The following UPK1A variants were observed in gnomAD, a reference collection of about 807,000 sequenced individuals.
UPK1A encodes uroplakin 1A.
A neutral mutation model predicts 32.3 loss-of-function variants in UPK1A; 31 were observed. The ratio of observed to expected loss-of-function variants is 0.96; its 90% confidence interval spans 0.72 to 1.30. The LOEUF is 1.30. UPK1A is among the 50% of genes most tolerant of loss of function. The probability of loss-of-function intolerance (pLI) is 0.00; values close to 1 mark genes in which losing one functional copy is unlikely to be tolerated. For synonymous variants in UPK1A, 135 were observed against 137.1 expected (o/e 0.98, Z 0.11); for missense variants, 340 against 357.4 (o/e 0.95, Z 0.39).
intron 6 of UPK1A, among the ~76,000 whole-genome samples, chr19:35,676,590 G>T (rs997587781): frequency 1.3e-5 from 2 of 151,846 alleles, no homozygotes; most frequent in African/African-American, 2.4e-5. Flanking sequence ...CTTTACTCAG[G>T]TTGTCCGAGA....
At chr19:35,673,952 G>A (rs187221734) in intron 5 of UPK1A, among the ~76,000 whole-genome samples, 34 of 152,258 alleles carry the variant, frequency 2.2e-4, no homozygotes, top group Middle Eastern at 3.4e-3. Context: ...CTGTTGCCCA[G>A]GCTGGAGTGA....
intron 3 of UPK1A, among the ~76,000 whole-genome samples, chr19:35,672,387 G>A (rs1036807578): frequency 3.9e-5 from 6 of 151,940 alleles, no homozygotes; most frequent in Non-Finnish European, 8.8e-5. Flanking sequence ...TCATCCTCCT[G>A]AGTAGCTGGG....
rs1453639573 is a variant in UPK1A at position 35,667,481 on chromosome 19, C to T, written c.84+585C>T. Among the ~76,000 whole-genome samples the T allele has an allele frequency of 2.0e-5, 3 of 150,630 alleles. No individual in the cohort carries two copies. The East Asian group carries it at 5.8e-4, about 29-fold the overall frequency. On this transcript the variant is annotated intron_variant, in intron 2 of 7. Transcript: ENST00000617999. ...CAGAATAGCTGGGATTACAGGCGCACACCACCACGCCCGGCTAATTTTTTT... is the reference window on the plus strand; with the variant it reads ...CAGAATAGCTGGGATTACAGGCGCATACCACCACGCCCGGCTAATTTTTTT...
intron 5 of UPK1A, 58 bp downstream of exon 5, chr19:35,673,603 A>G: frequency 2.7e-6 from 4 of 1,494,150 alleles, no homozygotes; most frequent in East Asian, 2.3e-5. Flanking sequence ...AGAGGCCGAT[A>G]GAGCTCCCGA....
chr19:35,671,549 C>T (rs549448216), intron 3 of UPK1A, among the ~76,000 whole-genome samples: 11 of 145,498 alleles, frequency 7.6e-5, no homozygotes, highest in Admixed American at 3.5e-4. Flanking sequence ...GCTCCGCCTC[C>T]CGGGTTCACG....
At chr19:35,677,859 T>C (rs1291743538) in exon 7 of UPK1A, 2 of 1,611,920 alleles carry the variant, frequency 1.2e-6, no homozygotes, top group Non-Finnish European at 1.7e-6. Context: ...ACACGTGGGG[T>C]ATCTCGTGGT....
chr19:35,666,769 C>G (rs538839986), intron 1 of UPK1A, 40 bp from the exon 2 acceptor site: 5 of 1,603,996 alleles, frequency 3.1e-6, no homozygotes, highest in Admixed American at 1.7e-5. Context: ...TCCGGCTGGC[C>G]CTTTACGCTC....
At chr19:35,675,568 A>AC (rs898730118) in intron 5 of UPK1A, among the ~76,000 whole-genome samples, 2 of 152,114 alleles carry the variant, frequency 1.3e-5, no homozygotes, top group African/African-American at 4.8e-5. Context: ...GGCGTGAGAC[A>AC]CCGTGCCCGG....
chr19:35,676,129 T>A, intron 6 of UPK1A, 110 bp downstream of exon 6: 1 of 1,193,676 alleles, frequency 8.4e-7, no homozygotes, highest in Non-Finnish European at 1.2e-6. Context: ...TCCGTCTAGC[T>A]TTTTCCCTCT....
Position 35,677,908 on chromosome 19 carries a change from G to C in UPK1A, c.732+13G>C, listed in dbSNP as rs762586798. ...CCTGATGTGGACGGTGAGAGGCGGG[G>C]AGCCCACAGGCTGGGTGGGCTGGGG... On this transcript the variant is annotated intron_variant, in intron 7 of 7. Coordinates refer to ENST00000617999, the Ensembl canonical transcript of UPK1A. 2.5e-6 allele frequency: 4 copies of C among 1,605,148 alleles called. No homozygotes were observed. Among genetic ancestry groups the C allele is most frequent in the Non-Finnish European group, 3.4e-6 (4 of 1,176,316 alleles).
chr19:35,675,949 G>A (rs202063955), exon 6 of UPK1A: 31 of 1,613,882 alleles, frequency 1.9e-5, no homozygotes, highest in East Asian at 4.5e-5. Flanking sequence ...TGCTGTCGCC[G>A]GACGGGAAAC....
intron 4 of UPK1A, 66 bp downstream of exon 4, chr19:35,673,372 G>A (rs1319266854): frequency 2.5e-6 from 4 of 1,610,646 alleles, no homozygotes; most frequent in African/African-American, 1.3e-5. Context: ...CCGGCGCGGC[G>A]GGGCGGAGGT....
In UPK1A at chr19:35,666,823, C is replaced by T. The variant is rs138472065; in HGVS notation, c.11C>T (p.Ala4Val). The change falls in exon 2 of 8, where the codon GCG becomes GTG. Residue 4 changes from alanine (A) to valine (V), a missense_variant. Coordinates refer to ENST00000617999, the Ensembl canonical transcript of UPK1A. ...ATGTGTCCCAGGATGATGGCGTCTG[C>T]GGCAGCAGCGGAGGCCGAGAAGGGA... is the stretch of plus-strand genomic sequence containing the variant. The T allele has an allele frequency of 1.2e-4, 193 of 1,614,092 alleles. 1 individual carries two copies. The African/African-American group carries it at 1.6e-3, about 13-fold the overall frequency.
rs368948763 is a variant in UPK1A, at chr19:35,669,914, C to T, written c.285+1260C>T. Among the ~76,000 whole-genome samples, 65 of 152,282 alleles carry T rather than the reference C, an allele frequency of 4.3e-4. 1 individual carries two copies. The South Asian group carries it at 0.012, about 29-fold the overall frequency. Reference sequence around the variant, plus strand: ...CAGCCACTCATTTGATGAACAAATGCTTATGAGCAGGAGCTACATGCTGAG... The same window carrying T: ...CAGCCACTCATTTGATGAACAAATGTTTATGAGCAGGAGCTACATGCTGAG... On this transcript the variant is annotated intron_variant, in intron 3 of 7. Transcript: ENST00000617999.
chr19:35,668,108 A>G (rs1968025802), intron 2 of UPK1A: 1 of 380,136 alleles, frequency 2.6e-6, no homozygotes, highest in South Asian at 2.4e-5. Flanking sequence ...GTTTATGGCC[A>G]TGGCCATGTT....
chr19:35,666,691 A>G lies in UPK1A; in HGVS notation c.-4-118A>G, dbSNP rs1968001511. ...CCACCAGGGCTGTGGGTACATCAGT[A>G]CCAGCCTGGGCCCCGCAGAGAGCTG... On this transcript the variant is annotated intron_variant, in intron 1 of 7. Transcript: ENST00000617999. 5 of 1,014,368 alleles carry G rather than the reference A, an allele frequency of 4.9e-6. No homozygotes were observed. In the African/African-American group the frequency reaches 8.0e-5, roughly 16 times the overall value. 62.8% of individuals were successfully genotyped at this position (1,014,368 alleles called of 1,614,324 possible). A position where few individuals can be genotyped will look rare whatever the true frequency, so the allele number is the denominator to read the frequency against.
At position 35,674,054 on chromosome 19, in the gene UPK1A, C is replaced by T. The variant is rs547964655; in HGVS notation, c.468+509C>T. On this transcript the variant is annotated intron_variant, in intron 5 of 7. Transcript: ENST00000617999. ...CTGGGAATACAGGTGCGCCCCACCA[C>T]ACCCGGCTAAGTTTTTTAAATTATC... Among the ~76,000 whole-genome samples the T allele has an allele frequency of 9.2e-5, 14 of 151,522 alleles. No homozygotes were observed. In the South Asian group the frequency reaches 2.1e-3, roughly 23 times the overall value.
At position 35,673,312 on chromosome 19, in the gene UPK1A, C is replaced by G; in HGVS notation, c.360+6C>G. On this transcript the variant is annotated splice_donor_region_variant and intron_variant, in intron 4 of 7. Transcript: ENST00000617999. ...CCTACACCCACCGTGACTACGTGAG[C>G]CCGGCGAGGCCTGGGGAGGGGCCTG... The G allele has an allele frequency of 1.9e-6, 3 of 1,613,976 alleles. No homozygotes were observed. The African/African-American group carries it at 4.0e-5, about 22-fold the overall frequency.
intron 5 of UPK1A, among the ~76,000 whole-genome samples, chr19:35,674,672 G>A (rs1321581773): frequency 1.3e-5 from 2 of 152,070 alleles, no homozygotes; most frequent in Non-Finnish European, 2.9e-5. Flanking sequence ...TCACAGAACT[G>A]GAAGGATTCA....
Sources: gnomAD v4.1 joint callset for allele counts (sites outside exome capture counted in the v4.1 genomes callset) on GRCh38, gnomAD v4.1.1 for gene constraint, MANE v1.5 for transcripts, NCBI Gene and HGNC (gene_info 2026-07-23, HGNC 2026-07-21) for gene names.